The following CEP164 variants were observed in gnomAD, a reference collection of about 807,000 sequenced individuals.
The protein encoded by CEP164 is centrosomal protein 164.
CEP164 carries 162 observed loss-of-function variants against 182.7 expected under a neutral mutation model. The ratio of observed to expected loss-of-function variants is 0.89; its 90% CI spans 0.78 to 1.01. The LOEUF (loss-of-function observed/expected upper bound fraction) is 1.01, where lower values mean the gene tolerates loss of function less well. Among genes scored for constraint, CEP164 ranks in the 50% least tolerant of loss-of-function variants. The pLI is 0.00. For synonymous variants in CEP164, 661 were observed against 690.0 expected, an observed-to-expected ratio of 0.96 and a Z score of 0.66; for missense variants, 1,735 against 1,790.4, an observed-to-expected ratio of 0.97 and a Z score of 0.56.
chr11:117,369,319 G>C (rs1565504878), intron 8 of CEP164, among the ~76,000 whole-genome samples: 1 of 152,180 alleles, frequency 6.6e-6, no homozygotes, highest in Non-Finnish European at 1.5e-5. Context: ...CTACATCCCA[G>C]TATTTTAGTG....
chr11:117,382,977 C>T (rs772076453), intron 14 of CEP164, 35 bp downstream of exon 14: 4 of 1,599,652 alleles, frequency 2.5e-6, no homozygotes, highest in Non-Finnish European at 3.4e-6. Context: ...TCCCTGACCT[C>T]CACTGCGTGT....
At chr11:117,363,122 A>G (rs1592168845) in intron 7 of CEP164, among the ~76,000 whole-genome samples, 1 of 152,368 alleles carries the variant, frequency 6.6e-6, no homozygotes, top group East Asian at 1.9e-4. Flanking sequence ...CTTTTTAAAA[A>G]AGCAAGAAGT....
intron 10 of CEP164, among the ~76,000 whole-genome samples, chr11:117,375,405 C>A (rs1258506278): frequency 6.6e-6 from 1 of 152,010 alleles, no homozygotes; most frequent in Non-Finnish European, 1.5e-5. Flanking sequence ...TTATTTTTTC[C>A]CCATAATTTT....
At chr11:117,356,435 C>A in intron 5 of CEP164, 1 of 1,248,284 alleles carries the variant, frequency 8.0e-7, no homozygotes, top group Non-Finnish European at 1.0e-6. Flanking sequence ...CTCGAGGTTT[C>A]TGTCATGGGA....
chr11:117,403,440 T>C (rs2046356792), intron 27 of CEP164, among the ~76,000 whole-genome samples: 1 of 152,230 alleles, frequency 6.6e-6, no homozygotes, highest in African/African-American at 2.4e-5. Flanking sequence ...TTAGTTTGGC[T>C]GGATATGAAA....
intron 27 of CEP164, among the ~76,000 whole-genome samples, chr11:117,400,515 C>T (rs1344085503): frequency 6.6e-6 from 1 of 152,088 alleles, no homozygotes; most frequent in African/African-American, 2.4e-5. Context: ...TTTTCTAATT[C>T]TGTGAAGAAA....
intron 27 of CEP164, among the ~76,000 whole-genome samples, chr11:117,407,159 C>T (rs545748909): frequency 1.9e-4 from 29 of 152,118 alleles, no homozygotes; most frequent in African/African-American, 6.3e-4. Context: ...GCTCAGGCCC[C>T]GATGGCCCCT....
At chr11:117,326,600 G>T (rs1211944030), upstream of CEP164, among the ~76,000 whole-genome samples, 1 of 152,174 alleles carries the variant, frequency 6.6e-6, no homozygotes, top group African/African-American at 2.4e-5. Flanking sequence ...GTATTCATGC[G>T]TGAGAACCCT....
intron 14 of CEP164, among the ~76,000 whole-genome samples, chr11:117,384,271 C>T (rs2043685405): frequency 6.6e-6 from 1 of 152,154 alleles, no homozygotes. Flanking sequence ...TGGCAGGGCA[C>T]GTGAGCTCAG....
chr11:117,380,077 C>A (rs2043156838), intron 11 of CEP164, among the ~76,000 whole-genome samples: 1 of 151,820 alleles, frequency 6.6e-6, no homozygotes, highest in South Asian at 2.1e-4. Context: ...CAGGTGGTGC[C>A]CTTTTTGTCT....
intron 5 of CEP164, chr11:117,359,634 A>G: frequency 1.0e-6 from 1 of 970,454 alleles, no homozygotes; most frequent in Non-Finnish European, 1.2e-6. Flanking sequence ...TCTTTGTGGG[A>G]TTAGGGAGGA....
At chr11:117,356,462 C>T in intron 5 of CEP164, 2 of 1,275,336 alleles carry the variant, frequency 1.6e-6, no homozygotes, top group Non-Finnish European at 2.0e-6. Context: ...GCTGCTGGAA[C>T]ATCCTCAGGA....
At chr11:117,370,951 A>G (rs990139182) in intron 8 of CEP164, 129 bp from the exon 9 acceptor site, 1 of 911,682 alleles carries the variant, frequency 1.1e-6, no homozygotes, top group Admixed American at 2.6e-5. Context: ...GTGATTGATA[A>G]CCATTGGGGC....
rs773084266 is a variant in CEP164, at chr11:117,362,369, A to G, written c.553-35A>G. On this transcript the variant is annotated intron_variant, in intron 6 of 32. Transcript: ENST00000278935. ...TAAAGGTCATTCCAAAGGTCTTCCA[A>G]GTGAGTCCTTTGACTGTCCTTCTCT... 4.6e-5 allele frequency: 74 copies of G among 1,597,150 alleles called. No homozygotes were observed. In the South Asian group the frequency reaches 8.1e-4, roughly 18 times the overall value.
chr11:117,349,637 C>A (rs944144813), intron 4 of CEP164, among the ~76,000 whole-genome samples: 5 of 152,268 alleles, frequency 3.3e-5, no homozygotes, highest in South Asian at 4.1e-4. Flanking sequence ...AGGTGTGCAC[C>A]ATGGTGCCCA....
intron 17 of CEP164, among the ~76,000 whole-genome samples, chr11:117,391,479 G>A (rs1158945550): frequency 3.3e-5 from 5 of 152,100 alleles, no homozygotes; most frequent in African/African-American, 1.2e-4. Flanking sequence ...AGGCTGGATG[G>A]CAGTGGCGGC....
At chr11:117,403,981 G>A (rs1050532690) in intron 27 of CEP164, among the ~76,000 whole-genome samples, 2 of 151,626 alleles carry the variant, frequency 1.3e-5, no homozygotes, top group African/African-American at 4.9e-5. Flanking sequence ...CAAAGTTCTC[G>A]TGCTTGTTTT....
intron 4 of CEP164, among the ~76,000 whole-genome samples, chr11:117,347,967 G>A (rs1295900541): frequency 6.6e-6 from 1 of 151,912 alleles, no homozygotes; most frequent in African/African-American, 2.4e-5. Context: ...TGTTGTTGTT[G>A]TTGTTGTTGT....
chr11:117,326,567 C>T (rs1344064258), upstream of CEP164, among the ~76,000 whole-genome samples: 1 of 152,144 alleles, frequency 6.6e-6, no homozygotes, highest in South Asian at 2.1e-4. Flanking sequence ...CCACCAGGCC[C>T]GGTCGATAGT....
Sources: gnomAD v4.1 joint callset for allele counts (sites outside exome capture counted in the v4.1 genomes callset) on GRCh38, gnomAD v4.1.1 for gene constraint, MANE v1.5 for transcripts, NCBI Gene and HGNC (gene_info 2026-07-23, HGNC 2026-07-21) for gene names.